The following BDH2 variants were observed in gnomAD, a reference collection of about 807,000 sequenced individuals.
BDH2 encodes dehydrogenase/reductase SDR family member 6.
BDH2 carries 24 observed loss-of-function variants against 33.2 expected under a neutral mutation model. The observed-to-expected ratio is 0.72, with a 90% CI of 0.52 to 1.02. The LOEUF (loss-of-function observed/expected upper bound fraction) is 1.02, where lower values mean the gene tolerates loss of function less well. Ranked by LOEUF, BDH2 falls within the 50% of genes least tolerant of loss-of-function variation. The probability of loss-of-function intolerance (pLI) is 0.00; values close to 1 mark genes in which losing one functional copy is unlikely to be tolerated. For synonymous variants in BDH2, 81 were observed against 101.6 expected, an observed-to-expected ratio of 0.80 and a Z score of 1.22; for missense variants, 249 against 301.6, an observed-to-expected ratio of 0.83 and a Z score of 1.29.
chr4:103,080,361 T>A (rs559972625), intron 9 of BDH2, among the ~76,000 whole-genome samples: 28 of 152,326 alleles, frequency 1.8e-4, no homozygotes, highest in Non-Finnish European at 3.7e-4. Flanking sequence ...CTAAGGAATT[T>A]AAAAAATAAT....
At chr4:103,085,283 T>C in intron 7 of BDH2, 66 bp downstream of exon 7, 1 of 1,286,748 alleles carries the variant, frequency 7.8e-7, no homozygotes, top group South Asian at 1.3e-5. Context: ...GGCAATAACA[T>C]AAGCAAATTG....
chr4:103,079,016 C>G lies in BDH2; in HGVS notation c.*686G>C, dbSNP rs1260513256. Among the ~76,000 whole-genome samples, 1 of 152,074 alleles carries G rather than the reference C, an allele frequency of 6.6e-6. No homozygotes were observed. The highest frequency in any genetic ancestry group is 1.9e-4 in the East Asian group (1 of 5,192). On this transcript the variant is annotated 3_prime_UTR_variant, in exon 10 of 10. Coordinates refer to ENST00000296424, the MANE Select transcript of BDH2 (RefSeq NM_020139.4). The stretch of plus-strand genomic sequence containing the variant: ...CTTCTTCCTTAACCCCCATCTCCCC[C>G]ACAAAAAAACAAAAACTTCCTTTTT...
chr4:103,096,531 A>ATTT (rs70941651), intron 1 of BDH2, among the ~76,000 whole-genome samples: 1,439 of 114,136 alleles, frequency 0.013, 26 homozygotes, highest in African/African-American at 0.04. Flanking sequence ...GACATTGGCC[A>ATTT]TTTTTTTTTT....
At chr4:103,092,747 G>T (rs752228005) in intron 3 of BDH2, 51 bp from the exon 4 acceptor site, 37 of 1,350,462 alleles carry the variant, frequency 2.7e-5, no homozygotes, top group Non-Finnish European at 3.8e-5. Flanking sequence ...AGCCTTGAAG[G>T]TTTAGCTGTT....
At chr4:103,081,165 C>A (rs1011575385) in intron 9 of BDH2, among the ~76,000 whole-genome samples, 1 of 152,166 alleles carries the variant, frequency 6.6e-6, no homozygotes, top group African/African-American at 2.4e-5. Context: ...TTATAAGCAT[C>A]ATTTTTGCTT....
rs573589556 is a variant in BDH2 at position 103,082,998 on chromosome 4, C to T, written c.533-69G>A. On this transcript the variant is annotated intron_variant, in intron 7 of 9. Transcript: ENST00000296424. The stretch of plus-strand genomic sequence containing the variant: ...GAAAAAGAAATCGATAACTAAACTT[C>T]CTTTCCATATGACAATCAGTGAGAT... 3.6e-5 allele frequency: 49 copies of T among 1,345,736 alleles called. No individual in the cohort carries two copies. In the South Asian group the frequency reaches 5.4e-4, roughly 15 times the overall value. 83.4% of individuals were successfully genotyped at this position (1,345,736 alleles called of 1,614,324 possible).
intron 3 of BDH2, among the ~76,000 whole-genome samples, chr4:103,093,466 C>T (rs1481837468): frequency 6.6e-6 from 1 of 151,772 alleles, no homozygotes; most frequent in East Asian, 1.9e-4. Context: ...ATACACACTG[C>T]ACTAGTTGCT....
chr4:103,088,799 A>G (rs535600826), intron 5 of BDH2, among the ~76,000 whole-genome samples: 1 of 152,268 alleles, frequency 6.6e-6, no homozygotes, highest in East Asian at 1.9e-4. Context: ...TTGGGTCTCC[A>G]GTGGTTCCTG....
At chr4:103,085,926 T>G in intron 6 of BDH2, 2 of 1,183,668 alleles carry the variant, frequency 1.7e-6, no homozygotes, top group African/African-American at 3.2e-5. Flanking sequence ...CTATGCCAGA[T>G]TGTGACATAA....
chr4:103,090,450 G>A (rs1014326270), intron 5 of BDH2, among the ~76,000 whole-genome samples: 2 of 152,192 alleles, frequency 1.3e-5, no homozygotes, highest in Non-Finnish European at 2.9e-5. Context: ...AAACAAGAGC[G>A]AAGGGAGAAG....
Position 103,086,500 on chromosome 4 carries a change from G to A in BDH2, c.398C>T (p.Ser133Phe). The change falls in exon 6 of 10, where the codon TCT becomes TTT. Residue 133 changes from serine to phenylalanine, a missense_variant. Transcript: ENST00000296424. Reference sequence around the variant, plus strand: ...CCCACCTTTGACGCTGGAAGCCACAGAAGACATGTTGATAATATTGCCAGA... The same window carrying A: ...CCCACCTTTGACGCTGGAAGCCACAAAAGACATGTTGATAATATTGCCAGA... The part of the protein sequence containing the change: ...QKSGNIINMS[S>F]VASSVKGVVN... 6.2e-7 allele frequency: 1 copy of A among 1,611,834 alleles called. No homozygotes were observed. The highest frequency in any genetic ancestry group is 1.1e-5 in the South Asian group (1 of 90,684).
intron 5 of BDH2, among the ~76,000 whole-genome samples, chr4:103,087,793 A>C (rs902357781): frequency 2.6e-5 from 4 of 152,234 alleles, no homozygotes; most frequent in African/African-American, 9.6e-5. Context: ...TACTAATTAT[A>C]ACATGTACAT....
intron 7 of BDH2, among the ~76,000 whole-genome samples, chr4:103,083,875 G>A (rs1747640160): frequency 6.6e-6 from 1 of 152,114 alleles, no homozygotes; most frequent in Non-Finnish European, 1.5e-5. Context: ...CAGAAAGCCT[G>A]ACTCCATTTT....
chr4:103,086,517 A>C lies in BDH2; in HGVS notation c.381T>G (p.Asn127Lys), dbSNP rs1370218211. The C allele has an allele frequency of 6.2e-7, 1 of 1,611,200 alleles. No individual in the cohort carries two copies. Among genetic ancestry groups the C allele is most frequent in the Admixed American group, 1.7e-5 (1 of 59,650 alleles). ...AAGCCACAGAAGACATGTTGATAAT[A>C]TTGCCAGATTTCTGAGCAAGCATCT... ...LPKMLAQKSG[N>K]IINMSSVASS... Residue 127 changes from asparagine to lysine, a missense_variant, in exon 6 of 10, where the codon AAT becomes AAG. Asn to Lys is a moderately conservative substitution (Grantham distance 94, BLOSUM62 0). Coordinates refer to ENST00000296424, the MANE Select transcript of BDH2 (RefSeq NM_020139.4).
At chr4:103,095,840 T>C (rs1003481402) in intron 2 of BDH2, among the ~76,000 whole-genome samples, 1 of 152,190 alleles carries the variant, frequency 6.6e-6, no homozygotes, top group Non-Finnish European at 1.5e-5. Context: ...TCTGGAGTCA[T>C]ATATCTAAAC....
At position 103,079,599 on chromosome 4, in the gene BDH2, CAT is replaced by C. The variant is rs977922991; in HGVS notation, c.*101_*102del. 8.9e-5 allele frequency: 100 copies of C among 1,122,486 alleles called. 1 individual carries two copies. The Middle Eastern group carries it at 2.6e-3, about 29-fold the overall frequency. 69.5% of individuals were successfully genotyped at this position (1,122,486 alleles called of 1,614,324 possible). A position where few individuals can be genotyped will look rare whatever the true frequency, so the allele number is the denominator to read the frequency against. On this transcript the variant is annotated 3_prime_UTR_variant, in exon 10 of 10. Coordinates refer to ENST00000296424, the MANE Select transcript of BDH2 (RefSeq NM_020139.4). ...ATTAAAAAGAGCTTATTTTCATTAA[CAT>C]GTGATTAACAGGAAGGAGATGATTG...
chr4:103,088,441 G>T (rs1747907327), intron 5 of BDH2, among the ~76,000 whole-genome samples: 1 of 152,150 alleles, frequency 6.6e-6, no homozygotes, highest in Non-Finnish European at 1.5e-5. Flanking sequence ...CCTAACACTT[G>T]CACTATCCAT....
chr4:103,090,204 C>T (rs1748012678), intron 5 of BDH2, among the ~76,000 whole-genome samples: 1 of 152,228 alleles, frequency 6.6e-6, no homozygotes, highest in South Asian at 2.1e-4. Context: ...TCAGCCTGCA[C>T]TGTCTGCTAC....
At chr4:103,096,610 G>A (rs867498453) in intron 1 of BDH2, among the ~76,000 whole-genome samples, 3 of 148,658 alleles carry the variant, frequency 2.0e-5, no homozygotes, top group Admixed American at 1.4e-4. Context: ...GAGTGATCTC[G>A]GCTCACTGCA....
Sources: allele counts gnomAD v4.1 joint callset (sites outside exome capture counted in the v4.1 genomes callset), GRCh38; gene constraint gnomAD v4.1.1; transcripts MANE v1.5; gene names NCBI Gene and HGNC (gene_info 2026-07-23, HGNC 2026-07-21).